FRMD5: variants seen among roughly 807,000 people sequenced by gnomAD.
The protein encoded by FRMD5 is FERM domain-containing protein 5.
In FRMD5, 20 loss-of-function variants were observed where a neutral mutation model predicts 69.0. That is an observed-to-expected ratio of 0.29 (90% confidence interval 0.20 to 0.42). FRMD5 has a LOEUF of 0.42. Among genes scored for constraint, FRMD5 ranks in the 10% least tolerant of loss-of-function variants. FRMD5 has a pLI of 1.00. For synonymous variants in FRMD5, 271 were observed against 260.1 expected (o/e 1.04, Z -0.40); for missense variants, 595 against 708.6 (o/e 0.84, Z 1.82).
At chr15:44,115,537 G>A (rs1175548664) in intron 1 of FRMD5, among the ~76,000 whole-genome samples, 1 of 152,136 alleles carries the variant, frequency 6.6e-6, no homozygotes, top group Non-Finnish European at 1.5e-5. Context: ...GATATTATAT[G>A]AAACTACAGA....
At chr15:44,107,203 G>A (rs1161035892) in intron 1 of FRMD5, among the ~76,000 whole-genome samples, 2 of 152,264 alleles carry the variant, frequency 1.3e-5, no homozygotes, top group Admixed American at 6.5e-5. Flanking sequence ...TATAAAGGAA[G>A]GGAAGGGGGA....
chr15:44,125,084 T>C (rs1185356272), intron 1 of FRMD5, among the ~76,000 whole-genome samples: 1 of 152,232 alleles, frequency 6.6e-6, no homozygotes, highest in Non-Finnish European at 1.5e-5. Flanking sequence ...AAAGGGTGTT[T>C]TCTTAGGTTG....
intron 1 of FRMD5, among the ~76,000 whole-genome samples, chr15:44,090,489 A>G (rs1195589909): frequency 2.7e-5 from 4 of 150,722 alleles, no homozygotes; most frequent in Non-Finnish European, 1.5e-5. Flanking sequence ...TGGGCTGGAG[A>G]AGAGCAATGG....
chr15:44,048,811 A>G (rs1892538930), intron 1 of FRMD5, among the ~76,000 whole-genome samples: 1 of 152,138 alleles, frequency 6.6e-6, no homozygotes. Context: ...AGCCTCAAGT[A>G]ATCTGCTGCC....
At chr15:44,076,973 C>T (rs1011883131) in intron 1 of FRMD5, among the ~76,000 whole-genome samples, 1 of 151,904 alleles carries the variant, frequency 6.6e-6, no homozygotes, top group Non-Finnish European at 1.5e-5. Flanking sequence ...GATTCATCTG[C>T]TTGGCTAGCA....
intron 1 of FRMD5, among the ~76,000 whole-genome samples, chr15:44,120,046 C>T (rs2076924934): frequency 1.3e-5 from 2 of 152,084 alleles, no homozygotes; most frequent in African/African-American, 4.8e-5. Flanking sequence ...TTCAATATGA[C>T]TGGAGCATAG....
At chr15:43,887,493 G>C (rs1273997073) in intron 10 of FRMD5, among the ~76,000 whole-genome samples, 1 of 152,236 alleles carries the variant, frequency 6.6e-6, no homozygotes, top group Admixed American at 6.5e-5. Flanking sequence ...AAAGGCTGCC[G>C]ATTCAGTGAA....
intron 4 of FRMD5, among the ~76,000 whole-genome samples, chr15:43,918,542 C>T (rs145055676): frequency 4.1e-4 from 63 of 152,170 alleles, no homozygotes; most frequent in African/African-American, 1.2e-3. Context: ...CAGGATAACC[C>T]GTCTATATGG....
At chr15:44,030,635 T>C (rs572534031) in intron 1 of FRMD5, among the ~76,000 whole-genome samples, 49 of 152,268 alleles carry the variant, frequency 3.2e-4, no homozygotes, top group Middle Eastern at 3.4e-3. Flanking sequence ...AGTTAAACAC[T>C]ATAATCAATG....
chr15:43,873,782 C>T lies in FRMD5; in HGVS notation c.*103G>A. 6.5e-7 allele frequency: 1 copy of T among 1,540,662 alleles called. No homozygotes were observed. The highest frequency in any genetic ancestry group is 2.4e-5 in the East Asian group (1 of 41,132). ...TGGACTTTGAGTCATGAGAGGAGGA[C>T]TTGGTATATGTGCCGATGGTTCCGC... On this transcript the variant is annotated 3_prime_UTR_variant, in exon 14 of 14. Transcript: ENST00000417257.
intron 1 of FRMD5, among the ~76,000 whole-genome samples, chr15:44,153,605 G>C (rs35915366): frequency 4.6e-5 from 7 of 152,218 alleles, no homozygotes; most frequent in African/African-American, 1.4e-4. Context: ...AGATGAAAAA[G>C]ACTGTGGAGG....
At chr15:43,875,813 T>G (rs866882530) in intron 13 of FRMD5, 9 of 368,318 alleles carry the variant, frequency 2.4e-5, no homozygotes, top group African/African-American at 1.2e-4. Context: ...AGTTTTTTTT[T>G]TTTTTTTTTT....
At chr15:44,161,741 C>T (rs928951960) in intron 1 of FRMD5, among the ~76,000 whole-genome samples, 1 of 152,072 alleles carries the variant, frequency 6.6e-6, no homozygotes, top group African/African-American at 2.4e-5. Flanking sequence ...TACATCTTTC[C>T]AAATGTTCCA....
chr15:44,182,135 C>G (rs930397458), intron 1 of FRMD5, among the ~76,000 whole-genome samples: 3 of 151,320 alleles, frequency 2.0e-5, no homozygotes, highest in African/African-American at 4.9e-5. Flanking sequence ...CTCAGCCTCC[C>G]GAGTAGCTGG....
intron 1 of FRMD5, among the ~76,000 whole-genome samples, chr15:43,993,597 C>T (rs1190904282): frequency 1.3e-5 from 2 of 152,120 alleles, no homozygotes; most frequent in African/African-American, 2.4e-5. Context: ...TAGGTCCATT[C>T]GATGTAAAGT....
chr15:43,910,113 G>A, intron 4 of FRMD5, 134 bp from the exon 5 acceptor site: 1 of 530,100 alleles, frequency 1.9e-6, no homozygotes, highest in South Asian at 2.7e-5. Flanking sequence ...AAAACATAAT[G>A]TAGAACAAAT....
intron 2 of FRMD5, among the ~76,000 whole-genome samples, chr15:43,920,244 G>C (rs553358225): frequency 6.6e-6 from 1 of 152,140 alleles, no homozygotes; most frequent in African/African-American, 2.4e-5. Flanking sequence ...TGGCAGGGGA[G>C]TGGGAATAGA....
intron 7 of FRMD5, among the ~76,000 whole-genome samples, chr15:43,893,801 C>T (rs2088852306): frequency 1.3e-5 from 2 of 152,116 alleles, no homozygotes; most frequent in Non-Finnish European, 2.9e-5. Context: ...CCTGATTGGT[C>T]GCAAGAACAG....
intron 1 of FRMD5, among the ~76,000 whole-genome samples, chr15:43,986,988 T>G (rs888916408): frequency 1.3e-5 from 2 of 152,196 alleles, no homozygotes; most frequent in Non-Finnish European, 2.9e-5. Context: ...ATGTTACTAT[T>G]GCAATTGTTT....
Sources: gnomAD v4.1 joint callset for allele counts (sites outside exome capture counted in the v4.1 genomes callset) on GRCh38, gnomAD v4.1.1 for gene constraint, MANE v1.5 for transcripts, NCBI Gene and HGNC (gene_info 2026-07-23, HGNC 2026-07-21) for gene names.